Variants in TKTL1 observed in about 807,000 individuals in gnomAD.
The protein encoded by TKTL1 is transketolase like 1, also known as transketolase-like protein 1.
A neutral mutation model predicts 39.3 loss-of-function variants in TKTL1; 1 was observed. The ratio of observed to expected loss-of-function variants is 0.03; its 90% confidence interval spans 0.01 to 0.12. The LOEUF is 0.12. TKTL1 is among the 10% of genes least tolerant of loss of function. TKTL1 has a pLI of 1.00. For synonymous variants in TKTL1, 262 were observed against 193.8 expected (o/e 1.35, Z -2.92); for missense variants, 575 against 509.6 (o/e 1.13, Z -1.24).
chrX:154,310,815 A>C, intron 3 of TKTL1, 21 bp from the exon 4 acceptor site: 1 of 1,199,584 alleles, frequency 8.3e-7, no homozygotes, highest in Non-Finnish European at 1.1e-6. Context: ...AGGGTCCTAA[A>C]CCTCTCTTGT....
chrX:154,317,969 A>G (rs1230945097), intron 7 of TKTL1, among the ~76,000 whole-genome samples: 2 of 112,583 alleles, frequency 1.8e-5, no homozygotes, highest in African/African-American at 6.4e-5. Context: ...GCTGGGCAGT[A>G]GATCAGTCAG....
In TKTL1 at chrX:154,320,872, G is replaced by A. The variant is rs782096714; in HGVS notation, c.1145G>A (p.Ser382Asn). 2 of 1,209,741 alleles carry A rather than the reference G, an allele frequency of 1.7e-6. No homozygotes were observed. The highest frequency in any genetic ancestry group is 3.5e-5 in the South Asian group (2 of 56,778). ...ATCCGGATAGGAGGCCTCGCTGAGA[G>A]CAACATCAACATTATTGGTTCCCAC... Reference protein sequence around the residue: ...DHIRIGGLAESNINIIGSHCG... With the variant: ...DHIRIGGLAENNINIIGSHCG... Residue 382 changes from serine (S) to asparagine (N), a missense_variant, in exon 8 of 13, where the codon AGC becomes AAC. Coordinates refer to ENST00000369915, the MANE Select transcript of TKTL1 (RefSeq NM_012253.4).
intron 5 of TKTL1, 141 bp downstream of exon 5, chrX:154,311,379 T>G: frequency 4.7e-6 from 4 of 851,209 alleles, no homozygotes; most frequent in Non-Finnish European, 6.6e-6. Context: ...TGTTGGAGGC[T>G]CCTGCTCTCT....
chrX:154,327,758 C>T (rs1391324481), intron 11 of TKTL1, 71 bp downstream of exon 11: 3 of 1,198,693 alleles, frequency 2.5e-6, no homozygotes, highest in Non-Finnish European at 3.4e-6. Flanking sequence ...CTCCTGTGCC[C>T]TGAGTGCTCT....
At position 154,325,357 on chromosome X, in the gene TKTL1, A is replaced by G; in HGVS notation, c.1336A>G (p.Thr446Ala). 4.1e-6 allele frequency: 5 copies of G among 1,211,395 alleles called. No homozygotes were observed. Among genetic ancestry groups the G allele is most frequent in the Non-Finnish European group, 5.6e-6 (5 of 895,149 alleles). ...GCCCTAGGGGATGTGCTTCATTCGG[A>G]CCACCCGACCAGAAACTATGGTTAT... ...ANAKGMCFIR[T>A]TRPETMVIYT... Residue 446 changes from threonine (T) to alanine (A), a missense_variant, in exon 10 of 13, where the codon ACC (threonine) becomes GCC (alanine). By Grantham distance (58) the Thr-to-Ala change is moderately conservative. Coordinates refer to ENST00000369915, the MANE Select transcript of TKTL1 (RefSeq NM_012253.4).
At chrX:154,314,419 C>T (rs1267182630) in intron 6 of TKTL1, among the ~76,000 whole-genome samples, 3 of 111,606 alleles carry the variant, frequency 2.7e-5, no homozygotes, top group African/African-American at 9.8e-5. Context: ...ATGCAGATGA[C>T]TCATGCCAGG....
intron 1 of TKTL1, among the ~76,000 whole-genome samples, chrX:154,304,009 G>A (rs1424830903): frequency 1.4e-4 from 15 of 110,716 alleles, no homozygotes; most frequent in Non-Finnish European, 2.6e-4. Context: ...ATGCGTTGGG[G>A]GAGATCACAG....
Position 154,312,046 on chromosome X carries a change from A to G in TKTL1, c.671-534A>G, listed in dbSNP as rs1309295616. Among the ~76,000 whole-genome samples, 4 of 111,798 alleles carry G rather than the reference A, an allele frequency of 3.6e-5. No homozygotes were observed. The Admixed American group carries it at 3.8e-4, about 11-fold the overall frequency. ...CAGTCTCTACACTGCTGCCACAGTG[A>G]TCTTTCTACAGTGGATCTGATCAGT... On this transcript the variant is annotated intron_variant, in intron 5 of 12. Coordinates refer to ENST00000369915, the MANE Select transcript of TKTL1 (RefSeq NM_012253.4).
intron 1 of TKTL1, among the ~76,000 whole-genome samples, chrX:154,297,457 C>G (rs371203824): frequency 9.1e-6 from 1 of 110,229 alleles, no homozygotes; most frequent in Non-Finnish European, 1.9e-5. Context: ...GGGGTTTCCC[C>G]GTGTTAGCCA....
At chrX:154,316,772 T>G (rs1391497255) in intron 7 of TKTL1, among the ~76,000 whole-genome samples, 125 of 97,021 alleles carry the variant, frequency 1.3e-3, no homozygotes, top group Middle Eastern at 0.01. Context: ...TTTTTGGGGG[T>G]TTTTTTTTTT....
chrX:154,329,066 C>A (rs1475349197), intron 12 of TKTL1, among the ~76,000 whole-genome samples: 1 of 112,324 alleles, frequency 8.9e-6, no homozygotes, highest in Non-Finnish European at 1.9e-5. Flanking sequence ...AAATCCCTGG[C>A]TCCCAGCAGG....
intron 6 of TKTL1, among the ~76,000 whole-genome samples, chrX:154,313,866 T>A (rs1337785724): frequency 2.8e-5 from 3 of 107,743 alleles, no homozygotes; most frequent in Non-Finnish European, 5.8e-5. Flanking sequence ...TCCAGGAGTT[T>A]GAGGGGATAG....
Position 154,312,589 on chromosome X carries a change from A to T in TKTL1, c.680A>T (p.Asp227Val). 1 of 1,209,040 alleles carries T rather than the reference A, an allele frequency of 8.3e-7. No individual in the cohort carries two copies. The highest frequency in any genetic ancestry group is 1.1e-6 in the Non-Finnish European group (1 of 893,849). The change falls in exon 6 of 13, where the codon GAT becomes GTT. Residue 227 changes from aspartate (D) to valine (V), a missense_variant. Physicochemically the swap from Asp to Val is radical, Grantham distance 152. Transcript: ENST00000369915. ...FKGRGTPSIE[D>V]AESWHAKPMP... ...GTTTGTTTCATTACAGGTATTGAGG[A>T]TGCAGAAAGTTGGCATGCAAAGCCA...
chrX:154,304,412 G>GC, intron 1 of TKTL1, among the ~76,000 whole-genome samples: 1 of 110,635 alleles, frequency 9.0e-6, no homozygotes, highest in Admixed American at 9.5e-5. Context: ...ACGTGCAAAA[G>GC]CCCTCTTTTT....
At chrX:154,321,796 G>T (rs939130142) in intron 8 of TKTL1, among the ~76,000 whole-genome samples, 2 of 107,616 alleles carry the variant, frequency 1.9e-5, no homozygotes, top group African/African-American at 6.8e-5. Flanking sequence ...GGAGAATGAG[G>T]CTGGACGAGA....
At chrX:154,318,956 T>C (rs1209024249) in intron 7 of TKTL1, among the ~76,000 whole-genome samples, 1 of 111,757 alleles carries the variant, frequency 8.9e-6, no homozygotes, top group East Asian at 2.8e-4. Context: ...GATAGGTTTT[T>C]AAAAAATTAT....
chrX:154,302,177 T>C (rs1156624689), intron 1 of TKTL1, among the ~76,000 whole-genome samples: 1 of 111,261 alleles, frequency 9.0e-6, no homozygotes, highest in Non-Finnish European at 1.9e-5. Context: ...CCAGATGTTC[T>C]GGTTGACCCA....
chrX:154,296,608 G>T (rs1387354262), intron 1 of TKTL1, among the ~76,000 whole-genome samples: 1 of 111,674 alleles, frequency 9.0e-6, no homozygotes, highest in African/African-American at 3.3e-5. Flanking sequence ...TGCAGTTGAT[G>T]GTTTTTGCAT....
Position 154,295,913 on chromosome X carries a change from G to A in TKTL1, c.54G>A (p.Arg18=), listed in dbSNP as rs781999622. The A allele has an allele frequency of 8.3e-7, 1 of 1,211,926 alleles. No homozygotes were observed. Among genetic ancestry groups the A allele is most frequent in the East Asian group, 3.0e-5 (1 of 33,837 alleles). The change falls in exon 1 of 13, where the codon AGG becomes AGA. Residue 18 remains arginine (R), a synonymous_variant. Transcript: ENST00000369915. ...TCCCGGAGGAGGCCAGACCTGACAG[G>A]GGCACCTTGCAGGTGTTGCAAGATA... ...AEFPEEARPD[R]GTLQVLQDMA...
Sources: allele counts gnomAD v4.1 joint callset (sites outside exome capture counted in the v4.1 genomes callset), GRCh38; gene constraint gnomAD v4.1.1; transcripts MANE v1.5; gene names NCBI Gene and HGNC (gene_info 2026-07-23, HGNC 2026-07-21).